ROS1: variants seen among roughly 807,000 people sequenced by gnomAD.
The protein encoded by ROS1 is ROS proto-oncogene 1, receptor tyrosine kinase.
A neutral mutation model predicts 273.5 loss-of-function variants in ROS1; 263 were observed. That is an observed-to-expected ratio of 0.96 (90% CI 0.87 to 1.06). ROS1 has a LOEUF of 1.06. Ranked by LOEUF, ROS1 falls within the 50% of genes least tolerant of loss-of-function variation. The pLI is 0.00. For synonymous variants in ROS1, 1,008 were observed against 954.1 expected, an observed-to-expected ratio of 1.06 and a Z score of -1.04; for missense variants, 2,833 against 2,751.1, an observed-to-expected ratio of 1.03 and a Z score of -0.67.
At chr6:117,401,864 C>T (rs1323195375) in intron 7 of ROS1, among the ~76,000 whole-genome samples, 1 of 146,804 alleles carries the variant, frequency 6.8e-6, no homozygotes. Context: ...TTTTCCACAG[C>T]CAAAGAAGTT....
chr6:117,410,608 C>T (rs552548509), intron 4 of ROS1, among the ~76,000 whole-genome samples: 7 of 152,216 alleles, frequency 4.6e-5, no homozygotes, highest in South Asian at 2.1e-4. Flanking sequence ...GCAGAAAAGG[C>T]GCATATTGTA....
chr6:117,425,302 A>G (rs892780358), intron 1 of ROS1, among the ~76,000 whole-genome samples: 1 of 152,222 alleles, frequency 6.6e-6, no homozygotes, highest in Admixed American at 6.5e-5. Context: ...CCAGTCCTCT[A>G]GCCCAAAAAA....
chr6:117,383,815 G>C (rs1772352186), intron 16 of ROS1, among the ~76,000 whole-genome samples: 1 of 152,146 alleles, frequency 6.6e-6, no homozygotes, highest in African/African-American at 2.4e-5. Context: ...AACACTGCTG[G>C]ATAGGAATAT....
At chr6:117,290,183 T>G (rs563740190) in intron 43 of ROS1, among the ~76,000 whole-genome samples, 1 of 152,326 alleles carries the variant, frequency 6.6e-6, no homozygotes, top group African/African-American at 2.4e-5. Flanking sequence ...ATTTTAATTT[T>G]TTAAACTTTT....
chr6:117,425,733 C>G lies in ROS1; in HGVS notation c.-77G>C. The G allele has an allele frequency of 6.7e-7, 1 of 1,487,652 alleles. No individual in the cohort carries two copies. Among genetic ancestry groups the G allele is most frequent in the East Asian group, 2.3e-5 (1 of 43,306 alleles). The allele number at this position is 1,487,652 out of a possible 1,614,324, so 92.2% of individuals were successfully genotyped here. On this transcript the variant is annotated 5_prime_UTR_variant, in exon 1 of 44. Transcript: ENST00000368507. ...GCTATATGAATTATTTGGGCTTCAT[C>G]ACTTCAATTGGAGGAGTAGCTGATG... is the stretch of plus-strand genomic sequence containing the variant.
chr6:117,409,195 C>A (rs9489150), intron 5 of ROS1, among the ~76,000 whole-genome samples: 80,910 of 151,030 alleles, frequency 0.54, 22,313 homozygotes, highest in South Asian at 0.68. Context: ...GCACATGTAC[C>A]CTAAAACTTA....
intron 4 of ROS1, among the ~76,000 whole-genome samples, chr6:117,411,308 C>T (rs1193807250): frequency 2.7e-5 from 4 of 150,902 alleles, no homozygotes; most frequent in Non-Finnish European, 5.9e-5. Flanking sequence ...CCCTTCACCC[C>T]GCCCTGAACC....
chr6:117,402,750 A>G (rs1044833677), intron 7 of ROS1, among the ~76,000 whole-genome samples: 3 of 152,096 alleles, frequency 2.0e-5, no homozygotes, highest in East Asian at 3.9e-4. Context: ...TTAGCCAGGC[A>G]TGGTAGTGCA....
chr6:117,288,666 AC>A lies in ROS1; in HGVS notation c.6851del (p.Gly2284ValfsTer3), dbSNP rs749062792. On this transcript the variant is annotated frameshift_variant, in exon 44 of 44. Coordinates refer to ENST00000368507, the MANE Select transcript of ROS1 (RefSeq NM_001378902.1). LOFTEE classifies it high-confidence loss of function. Reference sequence around the variant, plus strand: ...ATTCAGATTCCTGGGAGCCTAGAGGACCCTCAGACTTTTCTTCACCTTGGCC... The same window carrying A: ...ATTCAGATTCCTGGGAGCCTAGAGGACCTCAGACTTTTCTTCACCTTGGCC... The part of the protein sequence containing the change: ...ECGQGEEKSE[G>X]PLGSQESESC... The A allele has an allele frequency of 6.2e-7, 1 of 1,613,768 alleles. No homozygotes were observed. Among genetic ancestry groups the A allele is most frequent in the African/African-American group, 1.3e-5 (1 of 74,842 alleles).
chr6:117,288,373 T>C lies in ROS1; in HGVS notation c.*119A>G, dbSNP rs542651651. On this transcript the variant is annotated 3_prime_UTR_variant, in exon 44 of 44. Coordinates refer to ENST00000368507, the MANE Select transcript of ROS1 (RefSeq NM_001378902.1). Reference sequence around the variant, plus strand: ...GAACCAAGATTAGAAATCAGGAACGTTGCATTGTTTATTTGGAGTTATAGA... The same window carrying C: ...GAACCAAGATTAGAAATCAGGAACGCTGCATTGTTTATTTGGAGTTATAGA... 2 of 947,052 alleles carry C rather than the reference T, an allele frequency of 2.1e-6. No individual in the cohort carries two copies. The highest frequency in any genetic ancestry group is 1.7e-5 in the South Asian group (1 of 58,572). 58.7% of individuals were successfully genotyped at this position (947,052 alleles called of 1,614,324 possible).
rs778946384 is a variant in ROS1, at chr6:117,383,495, G to A, written c.2303C>T (p.Ser768Phe). The A allele has an allele frequency of 3.7e-6, 6 of 1,613,528 alleles. No individual in the cohort carries two copies. The highest frequency in any genetic ancestry group is 4.2e-6 in the Non-Finnish European group (5 of 1,179,624). The change falls in exon 17 of 44, where the codon TCT becomes TTT. Residue 768 changes from serine to phenylalanine, a missense_variant. By Grantham distance (155) the Ser-to-Phe change is radical. Transcript: ENST00000368507. ...AGKTYVIQRQ[S>F]VLTGHTDIVT... ...AATGTCTGTGTGTCCCGTCAACACAGACTGCCTTTGTATCTAAAAAACATA... is the reference window on the plus strand; with the variant it reads ...AATGTCTGTGTGTCCCGTCAACACAAACTGCCTTTGTATCTAAAAAACATA...
In ROS1 at chr6:117,368,365, G is replaced by T. The variant is rs1780446584; in HGVS notation, c.2583-2075C>A. ...AAATATAAATAAAGTTTTGTTTTGA[G>T]AATTTCACAGTACCTCAAATAGGTT... On this transcript the variant is annotated intron_variant, in intron 18 of 43. Transcript: ENST00000368507. Among the ~76,000 whole-genome samples the T allele has an allele frequency of 2.0e-5, 3 of 151,968 alleles. No individual in the cohort carries two copies. The South Asian group carries it at 6.2e-4, about 31-fold the overall frequency.
At chr6:117,354,184 C>A (rs1779104666) in intron 26 of ROS1, among the ~76,000 whole-genome samples, 1 of 151,912 alleles carries the variant, frequency 6.6e-6, no homozygotes, top group Non-Finnish European at 1.5e-5. Context: ...TACCCTGTCT[C>A]TACAAAAAAA....
intron 43 of ROS1, among the ~76,000 whole-genome samples, chr6:117,297,199 C>A (rs966360315): frequency 6.6e-6 from 1 of 152,022 alleles, no homozygotes; most frequent in Non-Finnish European, 1.5e-5. Context: ...TTACCCTCAC[C>A]ATATACAAAA....
intron 19 of ROS1, 136 bp from the exon 20 acceptor site, chr6:117,365,877 G>GA (rs979905189): frequency 1.5e-5 from 14 of 916,388 alleles, no homozygotes; most frequent in East Asian, 8.0e-5. Context: ...AACATATCCT[G>GA]AAAAAAATCA....
intron 6 of ROS1, among the ~76,000 whole-genome samples, chr6:117,403,682 A>G (rs1279682740): frequency 6.6e-6 from 1 of 152,092 alleles, no homozygotes; most frequent in East Asian, 1.9e-4. Context: ...AGCTAGACTC[A>G]TCTTAGCTGT....
intron 33 of ROS1, 104 bp from the exon 34 acceptor site, chr6:117,326,518 G>T (rs2128582762): frequency 7.4e-6 from 5 of 680,248 alleles, no homozygotes; most frequent in Non-Finnish European, 1.2e-5. Context: ...GTGTCCTTTG[G>T]CACAATTTAC....
rs750308356 is a variant in ROS1 at position 117,310,250 on chromosome 6, C to A, written c.6247G>T (p.Val2083Leu). Residue 2083 changes from valine (V) to leucine (L), a missense_variant, in exon 41 of 44, where the codon GTG becomes TTG. Coordinates refer to ENST00000368507, the MANE Select transcript of ROS1 (RefSeq NM_001378902.1). ...DLAARNCLVSVKDYTSPRIVK... is the reference protein window; with the variant it reads ...DLAARNCLVSLKDYTSPRIVK... ...ATCCGTGGACTGGTATAGTCTTTCA[C>A]GGAAACAAGGCAATTTCTAGCTGCC... The A allele has an allele frequency of 6.2e-7, 1 of 1,609,896 alleles. No homozygotes were observed. The highest frequency in any genetic ancestry group is 1.7e-5 in the Admixed American group (1 of 59,812).
rs781215124 is a variant in ROS1 at position 117,404,270 on chromosome 6, C to G, written c.465+10G>C. The G allele has an allele frequency of 9.3e-6, 15 of 1,612,180 alleles. No individual in the cohort carries two copies. The highest frequency in any genetic ancestry group is 4.5e-5 in the East Asian group (2 of 44,864). ...GGTCTGGGTTGAGGTACAAAGGCAG[C>G]CTTTCATACCTTAGTATAAGTCCAG... On this transcript the variant is annotated intron_variant, in intron 6 of 43. Transcript: ENST00000368507.
Sources: allele counts gnomAD v4.1 joint callset (sites outside exome capture counted in the v4.1 genomes callset), GRCh38; gene constraint gnomAD v4.1.1; transcripts MANE v1.5; gene names NCBI Gene and HGNC (gene_info 2026-07-23, HGNC 2026-07-21).